DIP2C: variants seen among roughly 807,000 people sequenced by gnomAD.
DIP2C encodes the protein disco-interacting protein 2 homolog C.
In DIP2C, 33 loss-of-function variants were observed where a neutral mutation model predicts 192.4. The observed-to-expected ratio is 0.17, with a 90% CI of 0.13 to 0.23. The LOEUF (loss-of-function observed/expected upper bound fraction) is 0.23. Ranked by LOEUF, DIP2C falls within the 10% of genes least tolerant of loss-of-function variation. The pLI is 1.00. For missense variants in DIP2C, 1,537 were observed against 2,110.1 expected, an observed-to-expected ratio of 0.73 and a Z score of 5.32; for synonymous variants, 979 against 864.1, an observed-to-expected ratio of 1.13 and a Z score of -2.33.
At chr10:564,825 G>A (rs898320191) in intron 1 of DIP2C, among the ~76,000 whole-genome samples, 26 of 152,228 alleles carry the variant, frequency 1.7e-4, no homozygotes, top group African/African-American at 3.6e-4. Flanking sequence ...CACATAACAC[G>A]TGAGCAGAAA....
chr10:359,766 A>T (rs1299179735), intron 22 of DIP2C, among the ~76,000 whole-genome samples: 3 of 152,166 alleles, frequency 2.0e-5, no homozygotes, highest in Non-Finnish European at 2.9e-5. Context: ...ACCAGATAGA[A>T]GCGTCTTCTG....
chr10:572,084 G>A (rs1039690824), intron 1 of DIP2C, among the ~76,000 whole-genome samples: 23 of 152,322 alleles, frequency 1.5e-4, no homozygotes, highest in African/African-American at 3.8e-4. Flanking sequence ...GACCCTTCTC[G>A]GGATTGAGTG....
intron 1 of DIP2C, among the ~76,000 whole-genome samples, chr10:574,108 C>T (rs1444743103): frequency 4.6e-5 from 7 of 152,298 alleles, no homozygotes; most frequent in African/African-American, 1.2e-4. Flanking sequence ...ATTTTTGCCA[C>T]GTTCTGATGC....
chr10:425,712 G>A (rs183921938), intron 4 of DIP2C, among the ~76,000 whole-genome samples: 2,108 of 152,240 alleles, frequency 0.014, 74 homozygotes, highest in African/African-American at 0.048. Context: ...ATACCAGAGC[G>A]ACAGGAATTC....
intron 17 of DIP2C, among the ~76,000 whole-genome samples, chr10:378,756 T>C (rs757836770): frequency 1.3e-5 from 2 of 151,488 alleles, no homozygotes; most frequent in Non-Finnish European, 2.9e-5. Flanking sequence ...TGTGAACACA[T>C]GCCTAGACAC....
chr10:577,604 G>A (rs980723456), intron 1 of DIP2C, among the ~76,000 whole-genome samples: 4 of 152,294 alleles, frequency 2.6e-5, no homozygotes, highest in East Asian at 1.9e-4. Flanking sequence ...AAGGGCCCCA[G>A]CCCTGCCATC....
intron 1 of DIP2C, among the ~76,000 whole-genome samples, chr10:611,943 TCTTTA>T (rs1853124520): frequency 6.6e-6 from 1 of 151,890 alleles, no homozygotes. Context: ...CCAAGTAAGC[TCTTTA>T]ATTTCAAGAT....
At chr10:355,886 C>T (rs555947053) in intron 24 of DIP2C, among the ~76,000 whole-genome samples, 13 of 152,230 alleles carry the variant, frequency 8.5e-5, no homozygotes, top group African/African-American at 3.1e-4. Flanking sequence ...AGACCATCCT[C>T]GCCAACATGG....
intron 1 of DIP2C, among the ~76,000 whole-genome samples, chr10:617,456 C>G (rs1471522634): frequency 6.6e-6 from 1 of 152,204 alleles, no homozygotes; most frequent in Non-Finnish European, 1.5e-5. Flanking sequence ...GCATCCAGCA[C>G]ACGTGGGACC....
At chr10:505,885 C>T (rs571500166) in intron 1 of DIP2C, among the ~76,000 whole-genome samples, 13 of 152,348 alleles carry the variant, frequency 8.5e-5, no homozygotes, top group African/African-American at 2.6e-4. Context: ...TGTGCCTACA[C>T]TGACAGCTAC....
At chr10:434,612 C>T (rs1020957868) in intron 4 of DIP2C, among the ~76,000 whole-genome samples, 3 of 152,204 alleles carry the variant, frequency 2.0e-5, no homozygotes, top group Non-Finnish European at 4.4e-5. Context: ...AGTTACTGAC[C>T]TCTACTATTT....
At chr10:480,131 G>A (rs1241005266) in intron 2 of DIP2C, among the ~76,000 whole-genome samples, 1 of 148,434 alleles carries the variant, frequency 6.7e-6, no homozygotes, top group African/African-American at 2.5e-5. Context: ...CCGCCAGCCT[G>A]AGCCCCGGTC....
chr10:436,520 T>G (rs1420059839), intron 4 of DIP2C, among the ~76,000 whole-genome samples: 2 of 150,864 alleles, frequency 1.3e-5, no homozygotes, highest in East Asian at 2.0e-4. Context: ...CTGGACGTAG[T>G]AGGGTGGCCA....
intron 22 of DIP2C, 106 bp from the exon 23 acceptor site, chr10:358,043 A>G: frequency 1.3e-6 from 1 of 752,498 alleles, no homozygotes; most frequent in Non-Finnish European, 2.2e-6. Context: ...TTCTGGAAAG[A>G]CCTGGCTTTG....
At chr10:436,572 G>T (rs141469934) in intron 4 of DIP2C, among the ~76,000 whole-genome samples, 1 of 147,238 alleles carries the variant, frequency 6.8e-6, no homozygotes, top group South Asian at 2.2e-4. Flanking sequence ...CCTCCTAGAC[G>T]TGGTAGGGTG....
At chr10:377,493 T>C (rs182797853) in intron 17 of DIP2C, among the ~76,000 whole-genome samples, 3 of 152,394 alleles carry the variant, frequency 2.0e-5, no homozygotes, top group African/African-American at 4.8e-5. Flanking sequence ...GTGATTTTCA[T>C]CTCGAAACTA....
chr10:391,277 T>C (rs1288295518), intron 10 of DIP2C, among the ~76,000 whole-genome samples: 1 of 149,868 alleles, frequency 6.7e-6, no homozygotes, highest in Non-Finnish European at 1.5e-5. Context: ...ACCAAGTGCC[T>C]GATCTTTAAA....
intron 8 of DIP2C, among the ~76,000 whole-genome samples, chr10:410,872 T>C (rs914516203): frequency 6.6e-6 from 1 of 152,260 alleles, no homozygotes; most frequent in Admixed American, 6.5e-5. Flanking sequence ...GAAGTTAAGC[T>C]GCTGATATAA....
Position 538,961 on chromosome 10 carries a change from C to T in DIP2C, c.86-52431G>A, listed in dbSNP as rs1488347351. Among the ~76,000 whole-genome samples the T allele has an allele frequency of 4.0e-5, 6 of 148,680 alleles. No individual in the cohort carries two copies. The East Asian group carries it at 9.6e-4, about 24-fold the overall frequency. ...TGTGAGTTGTCTGTTCATGTCATTC[C>T]GTGTGTTCTGTGAATCTGCTGTATG... is the stretch of plus-strand genomic sequence containing the variant. On this transcript the variant is annotated intron_variant, in intron 1 of 36. Transcript: ENST00000280886.
Sources: allele counts gnomAD v4.1 joint callset (sites outside exome capture counted in the v4.1 genomes callset), GRCh38; gene constraint gnomAD v4.1.1; transcripts MANE v1.5; gene names NCBI Gene and HGNC (gene_info 2026-07-23, HGNC 2026-07-21).